ST3GAL5: variants seen among roughly 807,000 people sequenced by gnomAD.
The protein encoded by ST3GAL5 is lactosylceramide alpha-2,3-sialyltransferase.
In ST3GAL5, 25 loss-of-function variants were observed where a neutral mutation model predicts 46.1. The ratio of observed to expected loss-of-function variants is 0.54; its 90% CI spans 0.40 to 0.76. The LOEUF (loss-of-function observed/expected upper bound fraction) is 0.76. Among genes scored for constraint, ST3GAL5 ranks in the 30% least tolerant of loss-of-function variants. The probability of loss-of-function intolerance (pLI) is 0.00; values close to 1 mark genes in which losing one functional copy is unlikely to be tolerated. For missense variants in ST3GAL5, 431 were observed against 521.2 expected, an observed-to-expected ratio of 0.83 and a Z score of 1.69; for synonymous variants, 182 against 192.7, an observed-to-expected ratio of 0.94 and a Z score of 0.46.
intron 1 of ST3GAL5, among the ~76,000 whole-genome samples, chr2:85,868,805 G>C (rs1399245732): frequency 6.6e-6 from 1 of 152,010 alleles, no homozygotes; most frequent in African/African-American, 2.4e-5. Flanking sequence ...TTTTAGTACA[G>C]ACAAGGTTTC....
intron 1 of ST3GAL5, chr2:85,868,111 G>A (rs1685478631): frequency 5.6e-6 from 1 of 179,426 alleles, no homozygotes; most frequent in South Asian, 1.3e-4. Flanking sequence ...CCTTGGAGAA[G>A]CCAGGGCTTA....
intron 3 of ST3GAL5, among the ~76,000 whole-genome samples, chr2:85,860,203 G>T (rs2104048602): frequency 6.6e-6 from 1 of 152,288 alleles, no homozygotes; most frequent in East Asian, 1.9e-4. Flanking sequence ...TGGCACACGG[G>T]AGCACTAAAC....
In ST3GAL5 at chr2:85,861,166, A is replaced by C. The variant is rs920524622; in HGVS notation, c.318+15T>G. 1 of 1,495,490 alleles carries C rather than the reference A, an allele frequency of 6.7e-7. No homozygotes were observed. The highest frequency in any genetic ancestry group is 1.4e-5 in the African/African-American group (1 of 72,746). The allele number at this position is 1,495,490 out of a possible 1,614,324, so 92.6% of individuals were successfully genotyped here. ...GCAATGTTTTCATTTAAACCACACC[A>C]ATGGGATATCTAACCTTTACATGGT... On this transcript the variant is annotated intron_variant, in intron 3 of 6. Coordinates refer to ENST00000638572, the MANE Select transcript of ST3GAL5 (RefSeq NM_003896.4).
chr2:85,888,977 G>C lies in ST3GAL5; in HGVS notation c.-72C>G. On this transcript the variant is annotated 5_prime_UTR_variant, in exon 1 of 7. Transcript: ENST00000638572. ...CCCACCCGCCCCCAGCGCCGCTCTC[G>C]CGCCCATTCAGCTGGGGGCCGCCGC... The C allele has an allele frequency of 1.7e-6, 2 of 1,176,664 alleles. No individual in the cohort carries two copies. Among genetic ancestry groups the C allele is most frequent in the Non-Finnish European group, 2.1e-6 (2 of 936,160 alleles). 72.9% of individuals were successfully genotyped at this position (1,176,664 alleles called of 1,614,324 possible).
At chr2:85,875,295 A>G (rs1209784767) in intron 1 of ST3GAL5, 1 of 151,642 alleles carries the variant, frequency 6.6e-6, no homozygotes, top group Non-Finnish European at 1.5e-5. Context: ...CCTGGCCCCA[A>G]GCAATCCTCC....
intron 3 of ST3GAL5, chr2:85,850,848 A>C (rs1353840801): frequency 2.0e-5 from 3 of 152,158 alleles, no homozygotes; most frequent in Admixed American, 2.0e-4. Context: ...GAAAGGAGTG[A>C]AATTTCATTC....
chr2:85,861,841 ACG>A (rs1387262256), intron 2 of ST3GAL5, among the ~76,000 whole-genome samples: 104 of 150,356 alleles, frequency 6.9e-4, no homozygotes, highest in East Asian at 2.0e-3. Context: ...ACACACACAC[ACG>A]ACTTGGAGAA....
chr2:85,863,503 G>A lies in ST3GAL5; in HGVS notation c.83-18C>T, dbSNP rs753889588. ...TGGCATTGCTGTGAAGAGAGGCGAAGAGGGCAGTGGGGAAAAAGAGAGGAG... is the reference window on the plus strand; with the variant it reads ...TGGCATTGCTGTGAAGAGAGGCGAAAAGGGCAGTGGGGAAAAAGAGAGGAG... On this transcript the variant is annotated intron_variant, in intron 1 of 6. Coordinates refer to ENST00000638572, the MANE Select transcript of ST3GAL5 (RefSeq NM_003896.4). 4.3e-6 allele frequency: 7 copies of A among 1,613,986 alleles called. No homozygotes were observed. The highest frequency in any genetic ancestry group is 5.9e-6 in the Non-Finnish European group (7 of 1,179,976).
chr2:85,863,676 CA>C (rs1174560674), intron 1 of ST3GAL5, among the ~76,000 whole-genome samples, 191 bp from the exon 2 acceptor site: 1 of 151,636 alleles, frequency 6.6e-6, no homozygotes, highest in African/African-American at 2.4e-5. Context: ...GAGCTGATAC[CA>C]AAATGTTACA....
At chr2:85,875,008 C>G (rs944542465) in intron 1 of ST3GAL5, among the ~76,000 whole-genome samples, 1 of 151,966 alleles carries the variant, frequency 6.6e-6, no homozygotes, top group African/African-American at 2.4e-5. Flanking sequence ...GCTAGGGGAA[C>G]AATATAAAAT....
In ST3GAL5 at chr2:85,847,951, G is replaced by C. The variant is rs981967469; in HGVS notation, c.572C>G (p.Thr191Ser). The change falls in exon 4 of 7, where the codon ACC (threonine) becomes AGC (serine). Residue 191 changes from threonine (T) to serine (S), a missense_variant. Transcript: ENST00000638572. Reference sequence around the variant, plus strand: ...TCCAATAACCACACAGCGCCGACAGGTCTTGGCTTTCAAGTGTTCAGGGAG... The same window carrying C: ...TCCAATAACCACACAGCGCCGACAGCTCTTGGCTTTCAAGTGTTCAGGGAG... ...HDLPEHLKAK[T>S]CRRCVVIGSG... 6.2e-7 allele frequency: 1 copy of C among 1,614,070 alleles called. No individual in the cohort carries two copies. Among genetic ancestry groups the C allele is most frequent in the East Asian group, 2.2e-5 (1 of 44,896 alleles).
At chr2:85,847,568 G>A (rs1682948729) in intron 4 of ST3GAL5, 2 of 1,181,746 alleles carry the variant, frequency 1.7e-6, no homozygotes, top group Non-Finnish European at 2.1e-6. Context: ...GAGTTCTAGA[G>A]GAGAAAGGTT....
chr2:85,884,067 C>CA (rs1687491268), intron 1 of ST3GAL5, among the ~76,000 whole-genome samples: 1 of 152,174 alleles, frequency 6.6e-6, no homozygotes, highest in Non-Finnish European at 1.5e-5. Context: ...ACCTCTAGGC[C>CA]AGACTGCCTG....
At position 85,844,278 on chromosome 2, in the gene ST3GAL5, T is replaced by C. The variant is rs182125673; in HGVS notation, c.1008+118A>G. 7.5e-6 allele frequency: 10 copies of C among 1,334,810 alleles called. No homozygotes were observed. The African/African-American group carries it at 1.2e-4, about 15-fold the overall frequency. The allele number at this position is 1,334,810 out of a possible 1,614,324, so 82.7% of individuals were successfully genotyped here. ...TGGTAAACACACATGGAGCATCTAA[T>C]CACAGGCTGGGTTTCTCCACTGGAG... On this transcript the variant is annotated intron_variant, in intron 6 of 6. Transcript: ENST00000638572.
intron 4 of ST3GAL5, among the ~76,000 whole-genome samples, chr2:85,846,950 T>C (rs1402591469): frequency 1.3e-5 from 2 of 152,314 alleles, no homozygotes; most frequent in Admixed American, 6.5e-5. Flanking sequence ...TAGTCCACCA[T>C]GCCTGGCTGA....
chr2:85,884,011 A>G (rs1361866734), intron 1 of ST3GAL5, among the ~76,000 whole-genome samples: 3 of 152,144 alleles, frequency 2.0e-5, no homozygotes, highest in Non-Finnish European at 2.9e-5. Context: ...CAGGCTGGGA[A>G]TGCACTACAG....
chr2:85,888,863 G>T lies in ST3GAL5; in HGVS notation c.43C>A (p.Gln15Lys). 2.2e-6 allele frequency: 3 copies of T among 1,359,538 alleles called. No homozygotes were observed. Among genetic ancestry groups the T allele is most frequent in the Non-Finnish European group, 2.9e-6 (3 of 1,048,964 alleles). The allele number at this position is 1,359,538 out of a possible 1,614,324, so 84.2% of individuals were successfully genotyped here. Residue 15 changes from glutamine to lysine, a missense_variant, in exon 1 of 7, where the codon CAG becomes AAG. Physicochemically the swap from Gln to Lys is moderately conservative, Grantham distance 53 (BLOSUM62 1). Transcript: ENST00000638572. ...GCCGCCGCTGCCTCGGTCCGCGGCT[G>T]CAGGGGACGCCGCTCCGCGCAGCCC... ...AAGCAERRPL[Q>K]PRTEAAAAPA...
intron 2 of ST3GAL5, among the ~76,000 whole-genome samples, chr2:85,862,827 G>T (rs529035973): frequency 6.6e-6 from 1 of 152,222 alleles, no homozygotes; most frequent in South Asian, 2.1e-4. Flanking sequence ...GTTTAGACAT[G>T]AAAAAAGGGC....
chr2:85,860,556 A>C (rs1684600771), intron 3 of ST3GAL5, among the ~76,000 whole-genome samples: 1 of 152,186 alleles, frequency 6.6e-6, no homozygotes, highest in Non-Finnish European at 1.5e-5. Context: ...TAAAAATAAA[A>C]CACAGGAAGG....
Sources: allele counts gnomAD v4.1 joint callset (sites outside exome capture counted in the v4.1 genomes callset), GRCh38; gene constraint gnomAD v4.1.1; transcripts MANE v1.5; gene names NCBI Gene and HGNC (gene_info 2026-07-23, HGNC 2026-07-21).